Variants in CC2D2A observed in about 807,000 individuals in gnomAD.
CC2D2A encodes coiled-coil and C2 domain containing 2A, also known as coiled-coil and C2 domain-containing protein 2A.
CC2D2A carries 155 observed loss-of-function variants against 212.9 expected under a neutral mutation model. That is an observed-to-expected ratio of 0.73 (90% CI 0.64 to 0.83). The LOEUF (loss-of-function observed/expected upper bound fraction) is 0.83, where lower values mean the gene tolerates loss of function less well. Among genes scored for constraint, CC2D2A ranks in the 40% least tolerant of loss-of-function variants. CC2D2A has a pLI of 0.00. For synonymous variants in CC2D2A, 667 were observed against 686.5 expected, an observed-to-expected ratio of 0.97 and a Z score of 0.44; for missense variants, 1,856 against 1,956.2, an observed-to-expected ratio of 0.95 and a Z score of 0.97.
chr4:15,487,958 C>T (rs1055784473), intron 4 of CC2D2A, among the ~76,000 whole-genome samples: 4 of 44,982 alleles, frequency 8.9e-5, no homozygotes, highest in Non-Finnish European at 1.8e-4. Flanking sequence ...AACCCCGTCT[C>T]CCCCCTGCTT....
intron 22 of CC2D2A, among the ~76,000 whole-genome samples, chr4:15,560,033 C>T (rs528740467): frequency 2.6e-5 from 4 of 152,088 alleles, no homozygotes; most frequent in South Asian, 2.1e-4. Flanking sequence ...GGTTTTGCCA[C>T]GTGCCCCAGG....
At chr4:15,515,192 C>T (rs1716791643) in intron 9 of CC2D2A, among the ~76,000 whole-genome samples, 1 of 152,192 alleles carries the variant, frequency 6.6e-6, no homozygotes, top group Admixed American at 6.5e-5. Flanking sequence ...CCCTAAGTCA[C>T]CATCTCCTGT....
At chr4:15,586,890 GA>G (rs1472543389) in intron 31 of CC2D2A, among the ~76,000 whole-genome samples, 1 of 152,142 alleles carries the variant, frequency 6.6e-6, no homozygotes, top group Non-Finnish European at 1.5e-5. Context: ...CTAAATTGAA[GA>G]AATTTAAGTG....
Position 15,516,672 on chromosome 4 carries a change from C to T in CC2D2A, c.1065C>T (p.Asn355=), listed in dbSNP as rs192054076. The change falls in exon 11 of 37, where the codon AAC becomes AAT. Residue 355 remains asparagine, a synonymous_variant. Transcript: ENST00000424120. ...GDDGRILALP[N]PIKPFPSRPP... ...ACGGCAGGATCCTAGCTCTGCCAAA[C>T]CCCATCAAGCCATTTCCTTCAAGGC... 1.9e-6 allele frequency: 3 copies of T among 1,613,274 alleles called. No homozygotes were observed. The highest frequency in any genetic ancestry group is 2.5e-6 in the Non-Finnish European group (3 of 1,179,524).
chr4:15,559,207 A>G lies in CC2D2A; in HGVS notation c.2872A>G (p.Lys958Glu). ...RLRDRNVIET[K>E]EHIDTHRAIV... is the part of the protein sequence containing the mutation. ...ACGAGACAGAAATGTAATAGAAACC[A>G]AGGAACACATAGACACCCATAGGGC... The change falls in exon 22 of 37, where the codon AAG becomes GAG. Residue 958 changes from lysine to glutamate, a missense_variant. This residue lies in a region of CC2D2A where 1,512 missense variants were observed against 1,579.3 expected (regional missense o/e 0.96). Transcript: ENST00000424120. The G allele has an allele frequency of 6.4e-7, 1 of 1,553,788 alleles. No homozygotes were observed. The highest frequency in any genetic ancestry group is 8.7e-7 in the Non-Finnish European group (1 of 1,148,528).
chr4:15,556,993 G>A (rs1008951713), intron 20 of CC2D2A, among the ~76,000 whole-genome samples: 8 of 152,096 alleles, frequency 5.3e-5, no homozygotes, highest in Non-Finnish European at 1.2e-4. Context: ...TAGGCACCTC[G>A]TAATACACTG....
At chr4:15,472,224 T>G (rs1328351645) in intron 1 of CC2D2A, among the ~76,000 whole-genome samples, 1 of 152,232 alleles carries the variant, frequency 6.6e-6, no homozygotes, top group Non-Finnish European at 1.5e-5. Flanking sequence ...ATGTAAATTG[T>G]CAGAGCCTCA....
intron 28 of CC2D2A, among the ~76,000 whole-genome samples, chr4:15,573,732 T>C (rs1195214354): frequency 2.6e-5 from 4 of 152,272 alleles, no homozygotes; most frequent in Non-Finnish European, 5.9e-5. Context: ...CCAATATTTA[T>C]TGATTGCTTA....
intron 33 of CC2D2A, among the ~76,000 whole-genome samples, chr4:15,591,880 G>A (rs896083377): frequency 6.6e-6 from 1 of 152,154 alleles, no homozygotes; most frequent in Non-Finnish European, 1.5e-5. Flanking sequence ...ATAATGCCAA[G>A]GTTTTGTGAG....
At chr4:15,484,077 AAG>A (rs1234779674) in intron 4 of CC2D2A, among the ~76,000 whole-genome samples, 1 of 151,896 alleles carries the variant, frequency 6.6e-6, no homozygotes, top group Non-Finnish European at 1.5e-5. Context: ...GAGAGGAAAA[AAG>A]AGAAAAACAA....
At chr4:15,565,667 G>A (rs1382580154) in intron 24 of CC2D2A, among the ~76,000 whole-genome samples, 1 of 152,130 alleles carries the variant, frequency 6.6e-6, no homozygotes, top group East Asian at 1.9e-4. Flanking sequence ...GAGTGCAGTG[G>A]TGCAATCACA....
intron 17 of CC2D2A, among the ~76,000 whole-genome samples, chr4:15,544,551 G>C (rs1024765264): frequency 1.6e-4 from 24 of 152,126 alleles, no homozygotes; most frequent in Non-Finnish European, 3.5e-4. Context: ...CAGGAGAGAA[G>C]GCAAGAAGGC....
intron 33 of CC2D2A, 105 bp from the exon 34 acceptor site, chr4:15,595,980 C>T: frequency 2.8e-6 from 2 of 724,024 alleles, no homozygotes; most frequent in Non-Finnish European, 4.1e-6. Context: ...TATATGAACA[C>T]TTGCTGTCTC....
In CC2D2A at chr4:15,524,294, G is replaced by A. The variant is rs1165117532; in HGVS notation, c.1150-3153G>A. 9.9e-5 allele frequency among the ~76,000 whole-genome samples: 15 copies of A among 151,730 alleles called. No individual in the cohort carries two copies. In the East Asian group the frequency reaches 1.6e-3, roughly 16 times the overall value. On this transcript the variant is annotated intron_variant, in intron 11 of 36. Transcript: ENST00000424120. Reference sequence around the variant, plus strand: ...ATTATAGGCACCCGCCACCAAACCCGGCTAACTTTTGTATTTTTAGTAGAG... The same window carrying A: ...ATTATAGGCACCCGCCACCAAACCCAGCTAACTTTTGTATTTTTAGTAGAG...
chr4:15,471,799 AT>A (rs1713848794), intron 1 of CC2D2A, among the ~76,000 whole-genome samples: 1 of 152,110 alleles, frequency 6.6e-6, no homozygotes. Flanking sequence ...GGGCATATAT[AT>A]TGTATGATTT....
intron 2 of CC2D2A, among the ~76,000 whole-genome samples, chr4:15,477,579 TA>T (rs1714312507): frequency 6.6e-6 from 1 of 152,172 alleles, no homozygotes; most frequent in Admixed American, 6.6e-5. Context: ...AGAATTGAAT[TA>T]AAAGCCATGC....
chr4:15,515,783 T>C, intron 9 of CC2D2A, 85 bp from the exon 10 acceptor site: 2 of 1,285,148 alleles, frequency 1.6e-6, no homozygotes, highest in Non-Finnish European at 1.1e-6. Flanking sequence ...ATAAATGAAA[T>C]CTCTGGTGAT....
intron 19 of CC2D2A, among the ~76,000 whole-genome samples, chr4:15,554,083 T>C (rs1719146064): frequency 6.6e-6 from 1 of 152,234 alleles, no homozygotes; most frequent in Non-Finnish European, 1.5e-5. Flanking sequence ...CACATGTCCA[T>C]GTGATAAAAA....
At chr4:15,561,746 A>G (rs1010624856) in intron 23 of CC2D2A, 2 of 152,136 alleles carry the variant, frequency 1.3e-5, no homozygotes, top group African/African-American at 2.4e-5. Flanking sequence ...CAGGGGAGGG[A>G]GGAAGCATTG....
Sources: allele counts gnomAD v4.1 joint callset (sites outside exome capture counted in the v4.1 genomes callset), GRCh38; gene constraint gnomAD v4.1.1; regional missense constraint gnomAD v4.1.1; transcripts MANE v1.5; gene names NCBI Gene and HGNC (gene_info 2026-07-23, HGNC 2026-07-21).